The following GNL2 variants were observed in gnomAD, a reference collection of about 807,000 sequenced individuals.
GNL2 encodes nucleolar GTP-binding protein 2.
In GNL2, 51 loss-of-function variants were observed where a neutral mutation model predicts 92.3. The ratio of observed to expected loss-of-function variants is 0.55; its 90% CI spans 0.44 to 0.70. The LOEUF is 0.70. Among genes scored for constraint, GNL2 ranks in the 30% least tolerant of loss-of-function variants. The probability of loss-of-function intolerance (pLI) is 0.00; values close to 1 mark genes in which losing one functional copy is unlikely to be tolerated. For synonymous variants in GNL2, 283 were observed against 300.6 expected (o/e 0.94, Z 0.61); for missense variants, 844 against 895.6 (o/e 0.94, Z 0.74).
At chr1:37,572,969 C>T (rs1246943244) in intron 12 of GNL2, among the ~76,000 whole-genome samples, 1 of 152,114 alleles carries the variant, frequency 6.6e-6, no homozygotes, top group Non-Finnish European at 1.5e-5. Flanking sequence ...CAGAAGAAAC[C>T]ACACACTCCC....
chr1:37,592,736 C>T lies in GNL2; in HGVS notation c.220G>A (p.Val74Ile). Residue 74 changes from valine to isoleucine, a missense_variant, in exon 3 of 16, where the codon GTA becomes ATA. Coordinates refer to ENST00000373062, the MANE Select transcript of GNL2 (RefSeq NM_013285.3). ...STVASGTVAR[V>I]EPNIKWFGNT... ...CCAAACCATTTAATATTTGGCTCTA[C>T]TCTTGCCACTGTGCCAGAAGCCACC... is the stretch of plus-strand genomic sequence containing the variant. 1 of 1,599,462 alleles carries T rather than the reference C, an allele frequency of 6.3e-7. No individual in the cohort carries two copies. The highest frequency in any genetic ancestry group is 8.6e-7 in the Non-Finnish European group (1 of 1,166,606).
intron 3 of GNL2, among the ~76,000 whole-genome samples, chr1:37,591,625 C>T (rs57991956): frequency 2.3e-4 from 35 of 151,844 alleles, no homozygotes; most frequent in African/African-American, 8.5e-4. Flanking sequence ...CCTGCCCCAG[C>T]CTCCCAAGTA....
At chr1:37,592,954 T>C (rs1043765541) in intron 2 of GNL2, 148 bp from the exon 3 acceptor site, 1 of 594,776 alleles carries the variant, frequency 1.7e-6, no homozygotes, top group Admixed American at 3.0e-5. Context: ...CACAAAGTAC[T>C]TCTACATTTG....
At position 37,575,570 on chromosome 1, in the gene GNL2, C is replaced by T. The variant is rs776273328; in HGVS notation, c.1143+25G>A. 2 of 1,381,680 alleles carry T rather than the reference C, an allele frequency of 1.4e-6. No homozygotes were observed. The highest frequency in any genetic ancestry group is 1.3e-5 in the South Asian group (1 of 75,244). 85.6% of individuals were successfully genotyped at this position (1,381,680 alleles called of 1,614,324 possible). The stretch of plus-strand genomic sequence containing the variant: ...TAGAACACTCCCCCGCAAACACAAA[C>T]AGCCTATCAGGGCCAAATACTCACA... On this transcript the variant is annotated intron_variant, in intron 10 of 15. Coordinates refer to ENST00000373062, the MANE Select transcript of GNL2 (RefSeq NM_013285.3). The surrounding 1 kb of genome is among the most constrained non-coding windows in gnomAD (Gnocchi z 4.1).
At chr1:37,579,454 G>A (rs1217109414) in intron 8 of GNL2, among the ~76,000 whole-genome samples, 1 of 151,960 alleles carries the variant, frequency 6.6e-6, no homozygotes, top group Non-Finnish European at 1.5e-5. Context: ...GGCTGAGGCA[G>A]GAGAATTGCT....
At chr1:37,578,387 C>T (rs1343303036) in intron 8 of GNL2, among the ~76,000 whole-genome samples, 8 of 150,162 alleles carry the variant, frequency 5.3e-5, no homozygotes, top group Non-Finnish European at 1.2e-4. Context: ...TGCAGTGAGC[C>T]TAAATCAGGC....
At chr1:37,588,303 C>T (rs1028964997) in intron 4 of GNL2, among the ~76,000 whole-genome samples, 1 of 152,024 alleles carries the variant, frequency 6.6e-6, no homozygotes, top group African/African-American at 2.4e-5. Flanking sequence ...ACCCTTTTCC[C>T]CCTAGTACAA....
Position 37,575,709 on chromosome 1 carries a change from GA to G in GNL2, c.1039-11del, listed in dbSNP as rs1385276761. The stretch of plus-strand genomic sequence containing the variant: ...TAATATACTGCCAGACCTGAAGTCA[GA>G]AAAAAGTCAGAGATGTCCTGTATCA... On this transcript the variant is annotated splice_polypyrimidine_tract_variant and intron_variant, in intron 9 of 15. Transcript: ENST00000373062. This position sits in a 1 kb window ranked among gnomAD's most constrained non-coding sequence, Gnocchi z 4.1. 1.9e-6 allele frequency: 3 copies of G among 1,556,306 alleles called. No individual in the cohort carries two copies. The highest frequency in any genetic ancestry group is 1.2e-5 in the South Asian group (1 of 85,688).
chr1:37,576,573 T>C lies in GNL2; in HGVS notation c.910-17A>G, dbSNP rs932938993. 7 of 1,612,022 alleles carry C rather than the reference T, an allele frequency of 4.3e-6. No individual in the cohort carries two copies. The Admixed American group carries it at 1.0e-4, about 23-fold the overall frequency. ...AGTGTGCAACTGTTCAAAGAGAGAA[T>C]ACACAGCACATACATGCAGTCATAT... On this transcript the variant is annotated splice_polypyrimidine_tract_variant and intron_variant, in intron 8 of 15. Transcript: ENST00000373062.
intron 8 of GNL2, among the ~76,000 whole-genome samples, chr1:37,580,955 T>C (rs1643757305): frequency 6.6e-6 from 1 of 152,226 alleles, no homozygotes; most frequent in Non-Finnish European, 1.5e-5. Flanking sequence ...CCCTGCAGGC[T>C]GCAACCCTTT....
intron 6 of GNL2, 92 bp from the exon 7 acceptor site, chr1:37,583,028 AT>A: frequency 1.2e-6 from 1 of 822,776 alleles, no homozygotes; most frequent in Non-Finnish European, 1.8e-6. Flanking sequence ...AAATAATAAT[AT>A]TTAGAGACAA....
At chr1:37,594,738 A>G (rs936386931) in intron 1 of GNL2, among the ~76,000 whole-genome samples, 3 of 152,132 alleles carry the variant, frequency 2.0e-5, no homozygotes, top group Admixed American at 2.0e-4. Flanking sequence ...AGGGGGTTTC[A>G]TCATGTTGGT....
intron 3 of GNL2, among the ~76,000 whole-genome samples, chr1:37,591,436 G>C (rs1161155937): frequency 1.3e-5 from 2 of 151,732 alleles, no homozygotes; most frequent in African/African-American, 2.4e-5. Flanking sequence ...AATGACGGTA[G>C]CAAGTAATGC....
intron 7 of GNL2, 30 bp from the exon 8 acceptor site, chr1:37,582,366 A>T (rs909709232): frequency 7.5e-7 from 1 of 1,325,218 alleles, no homozygotes; most frequent in Admixed American, 1.8e-5. Context: ...CATTTTGGTA[A>T]ACTGCAGTAC....
At chr1:37,583,002 G>A (rs991755162) in intron 6 of GNL2, 66 bp from the exon 7 acceptor site, 3 of 1,071,188 alleles carry the variant, frequency 2.8e-6, no homozygotes, top group African/African-American at 3.2e-5. Context: ...ACATTTAAGG[G>A]AGTCTGGGAA....
rs1643666571 is a variant in GNL2, at chr1:37,575,635, G to A, written c.1103C>T (p.Pro368Leu). ...AATGTCTGTCTCGGAGTCCTCAGAG[G>A]GGTAAACCACACCTGGACAGTCAAT... ...FLIDCPGVVY[P>L]SEDSETDIVL... Residue 368 changes from proline (P) to leucine (L), a missense_variant, in exon 10 of 16, where the codon CCC (proline) becomes CTC (leucine). Physicochemically the swap from Pro to Leu is moderately conservative, Grantham distance 98. Coordinates refer to ENST00000373062, the MANE Select transcript of GNL2 (RefSeq NM_013285.3). This position sits in a 1 kb window ranked among gnomAD's most constrained non-coding sequence, Gnocchi z 4.1. 1.3e-6 allele frequency: 2 copies of A among 1,599,594 alleles called. No individual in the cohort carries two copies. The highest frequency in any genetic ancestry group is 1.7e-6 in the Non-Finnish European group (2 of 1,175,010).
Position 37,583,855 on chromosome 1 carries a change from T to C in GNL2, c.636+12A>G. 1 of 1,463,942 alleles carries C rather than the reference T, an allele frequency of 6.8e-7. No homozygotes were observed. Among genetic ancestry groups the C allele is most frequent in the South Asian group, 1.1e-5 (1 of 87,956 alleles). 90.7% of individuals were successfully genotyped at this position (1,463,942 alleles called of 1,614,324 possible). On this transcript the variant is annotated intron_variant, in intron 6 of 15. Transcript: ENST00000373062. Reference sequence around the variant, plus strand: ...AGGAACCACTCAATGGGAGAGAATTTAGGAGTCTTACCTTGTAGAGCTCAC... The same window carrying C: ...AGGAACCACTCAATGGGAGAGAATTCAGGAGTCTTACCTTGTAGAGCTCAC...
chr1:37,588,600 A>T (rs1009020085), intron 4 of GNL2, among the ~76,000 whole-genome samples: 3 of 152,330 alleles, frequency 2.0e-5, no homozygotes, highest in East Asian at 1.9e-4. Context: ...CCTGTAAGTT[A>T]CAGTACCCAA....
At chr1:37,568,635 C>T (rs547993170) in intron 13 of GNL2, among the ~76,000 whole-genome samples, 1 of 152,318 alleles carries the variant, frequency 6.6e-6, no homozygotes, top group African/African-American at 2.4e-5. Context: ...GTCACAGCTA[C>T]TTAGGAGGCT....
Sources: gnomAD v4.1 joint callset for allele counts (sites outside exome capture counted in the v4.1 genomes callset) on GRCh38, gnomAD v4.1.1 for gene constraint, Gnocchi (gnomAD v3.1) non-coding constraint, MANE v1.5 for transcripts, NCBI Gene and HGNC (gene_info 2026-07-23, HGNC 2026-07-21) for gene names.